The following IKZF3 variants were observed in gnomAD, a reference collection of about 807,000 sequenced individuals.
IKZF3 encodes IKAROS family zinc finger 3.
Under a neutral mutation model 49.0 loss-of-function variants are expected in IKZF3, and 10 were observed. That is an observed-to-expected ratio of 0.20 (90% CI 0.13 to 0.35). The LOEUF (loss-of-function observed/expected upper bound fraction) is 0.35. Ranked by LOEUF, IKZF3 falls within the 10% of genes least tolerant of loss-of-function variation. The probability of loss-of-function intolerance (pLI) is 1.00; values close to 1 mark genes in which losing one functional copy is unlikely to be tolerated. For synonymous variants in IKZF3, 209 were observed against 228.2 expected (o/e 0.92, Z 0.76); for missense variants, 498 against 664.8 (o/e 0.75, Z 2.76).
chr17:39,851,066 T>G (rs114400736), intron 1 of IKZF3, among the ~76,000 whole-genome samples: 6,850 of 147,678 alleles, frequency 0.046, 207 homozygotes, highest in African/African-American at 0.082. Context: ...TGTATATATA[T>G]ATATAGAGAG....
chr17:39,782,743 G>A (rs1330166597), intron 6 of IKZF3, among the ~76,000 whole-genome samples: 1 of 152,156 alleles, frequency 6.6e-6, no homozygotes, highest in East Asian at 1.9e-4. Context: ...CAAGTGGTGG[G>A]TGTGGGGAAT....
chr17:39,841,022 C>T (rs952306675), intron 1 of IKZF3, among the ~76,000 whole-genome samples: 2 of 151,942 alleles, frequency 1.3e-5, no homozygotes, highest in African/African-American at 4.8e-5. Flanking sequence ...ACGAAAAATA[C>T]AAAAATTAGC....
chr17:39,812,928 G>C (rs879721876), intron 3 of IKZF3, among the ~76,000 whole-genome samples: 9 of 151,854 alleles, frequency 5.9e-5, no homozygotes, highest in Admixed American at 6.6e-5. Context: ...GAAACCCCGT[G>C]TCTACTAAAA....
chr17:39,829,586 A>G, intron 2 of IKZF3, 98 bp from the exon 3 acceptor site: 1 of 784,302 alleles, frequency 1.3e-6, no homozygotes, highest in Non-Finnish European at 2.1e-6. Context: ...AGCTTCACAC[A>G]ATCCTTTAGT....
At chr17:39,791,318 G>T in intron 5 of IKZF3, 98 bp downstream of exon 5, 2 of 1,273,264 alleles carry the variant, frequency 1.6e-6, no homozygotes, top group Non-Finnish European at 2.2e-6. Flanking sequence ...GAACAAGAAT[G>T]ACAGATTGAA....
intron 1 of IKZF3, among the ~76,000 whole-genome samples, chr17:39,861,813 T>C (rs2063221183): frequency 6.6e-6 from 1 of 152,204 alleles, no homozygotes; most frequent in Non-Finnish European, 1.5e-5. Context: ...TGGAATAATA[T>C]ATGATCTGAT....
rs2060240213 is a variant in IKZF3, at chr17:39,764,271, A to G, written c.*1519T>C. ...TTGAGCCCAGGAGTTCAAGACCAGC[A>G]TGGGCAACATAGTGAGACCCCTATC... On this transcript the variant is annotated 3_prime_UTR_variant, in exon 8 of 8. Transcript: ENST00000346872. 6.6e-6 allele frequency: 1 copy of G among 152,148 alleles called. No individual in the cohort carries two copies. Among genetic ancestry groups the G allele is most frequent in the Non-Finnish European group, 1.5e-5 (1 of 68,098 alleles). The allele number at this position is 152,148 out of a possible 1,614,324, so 9.4% of individuals were successfully genotyped here.
intron 6 of IKZF3, among the ~76,000 whole-genome samples, chr17:39,778,738 T>C (rs2060653830): frequency 6.6e-6 from 1 of 152,104 alleles, no homozygotes; most frequent in South Asian, 2.1e-4. Context: ...GAGGCAGAGG[T>C]TGCAGTGAGC....
intron 3 of IKZF3, among the ~76,000 whole-genome samples, chr17:39,800,777 G>C (rs951459989): frequency 2.6e-5 from 4 of 152,146 alleles, no homozygotes; most frequent in Admixed American, 2.6e-4. Context: ...TTGTACTCCA[G>C]AGCAGACATT....
Position 39,847,170 on chromosome 17 carries a change from C to T in IKZF3, c.8-15019G>A, listed in dbSNP as rs142511691. Among the ~76,000 whole-genome samples the T allele has an allele frequency of 1.0e-3, 155 of 152,210 alleles. 2 individuals are homozygous for T. Among genetic ancestry groups the T allele is most frequent in the African/African-American group, 3.5e-3 (146 of 41,526 alleles). On this transcript the variant is annotated intron_variant, in intron 1 of 7. Coordinates refer to ENST00000346872, the MANE Select transcript of IKZF3 (RefSeq NM_012481.5). ...TGGGACTGTAAATGTGGCAGAGAAG[C>T]GTTCGCTGTCATTTCTGCAAAATCC...
chr17:39,802,234 A>C (rs1351676979), intron 3 of IKZF3, among the ~76,000 whole-genome samples: 1 of 151,050 alleles, frequency 6.6e-6, no homozygotes, highest in Non-Finnish European at 1.5e-5. Context: ...AAAAAAAAAA[A>C]AAAAAAAAAA....
chr17:39,777,867 A>G (rs2063600154), intron 6 of IKZF3, 100 bp from the exon 7 acceptor site: 2 of 1,538,190 alleles, frequency 1.3e-6, no homozygotes, highest in South Asian at 2.5e-5. Flanking sequence ...AGTTGGATGC[A>G]CACTCTATTG....
rs982130830 is a variant in IKZF3, at chr17:39,760,959, TG to T, written c.*4830del. ...TGAGCCCAGGATTTTGAGACTAGCC[TG>T]GGCAGTATGGCGAAACGCCATCTCT... On this transcript the variant is annotated 3_prime_UTR_variant, in exon 8 of 8. Transcript: ENST00000346872. The T allele has an allele frequency of 1.3e-5, 2 of 152,180 alleles. No homozygotes were observed. The highest frequency in any genetic ancestry group is 4.8e-5 in the African/African-American group (2 of 41,436). The allele number at this position is 152,180 out of a possible 1,614,324, so 9.4% of individuals were successfully genotyped here. A position where few individuals can be genotyped will look rare whatever the true frequency, so the allele number is the denominator to read the frequency against.
At chr17:39,822,355 T>C (rs914666464) in intron 3 of IKZF3, among the ~76,000 whole-genome samples, 2 of 152,100 alleles carry the variant, frequency 1.3e-5, no homozygotes, top group Admixed American at 1.3e-4. Flanking sequence ...TGGAGGTGGT[T>C]TCCCCCATGC....
chr17:39,823,691 G>A (rs2061873905), intron 3 of IKZF3, among the ~76,000 whole-genome samples: 1 of 152,212 alleles, frequency 6.6e-6, no homozygotes, highest in Non-Finnish European at 1.5e-5. Context: ...AAGGGGCAAA[G>A]GTACAGCTCA....
intron 1 of IKZF3, among the ~76,000 whole-genome samples, chr17:39,854,837 A>T (rs2062992007): frequency 1.3e-5 from 2 of 152,176 alleles, no homozygotes; most frequent in African/African-American, 4.8e-5. Context: ...GCAGCAGTCC[A>T]GAGTCACATT....
Position 39,770,946 on chromosome 17 carries a change from C to G in IKZF3, c.827-4453G>C, listed in dbSNP as rs1296535753. On this transcript the variant is annotated intron_variant, in intron 7 of 7. Coordinates refer to ENST00000346872, the MANE Select transcript of IKZF3 (RefSeq NM_012481.5). ...TCAGCCTCCCAAGTGTCTGGGACTA[C>G]AGGCACGTGCCACTATGCCTGGCTA... is the stretch of plus-strand genomic sequence containing the variant. 2.0e-5 allele frequency among the ~76,000 whole-genome samples: 3 copies of G among 151,968 alleles called. No individual in the cohort carries two copies. The East Asian group carries it at 5.8e-4, about 29-fold the overall frequency.
At chr17:39,797,044 A>G (rs2061183905) in intron 3 of IKZF3, among the ~76,000 whole-genome samples, 1 of 151,656 alleles carries the variant, frequency 6.6e-6, no homozygotes, top group Non-Finnish European at 1.5e-5. Context: ...GTGCGCCTAT[A>G]GTCCCAGCTA....
intron 1 of IKZF3, among the ~76,000 whole-genome samples, chr17:39,849,629 G>T (rs969005842): frequency 3.6e-4 from 55 of 152,114 alleles, no homozygotes; most frequent in Admixed American, 3.5e-3. Context: ...TTCAACCTGG[G>T]CAACAGAGCG....
Sources: allele counts gnomAD v4.1 joint callset (sites outside exome capture counted in the v4.1 genomes callset), GRCh38; gene constraint gnomAD v4.1.1; transcripts MANE v1.5; gene names NCBI Gene and HGNC (gene_info 2026-07-23, HGNC 2026-07-21).